PCDHA5: variants seen among roughly 807,000 people sequenced by gnomAD.
PCDHA5 encodes the protein protocadherin alpha-5.
In PCDHA5, 43 loss-of-function variants were observed where a neutral mutation model predicts 61.6. That is an observed-to-expected ratio of 0.70 (90% CI 0.55 to 0.90). The LOEUF is 0.90. Among genes scored for constraint, PCDHA5 ranks in the 40% least tolerant of loss-of-function variants. The probability of loss-of-function intolerance (pLI) is 0.00; values close to 1 mark genes in which losing one functional copy is unlikely to be tolerated. For missense variants in PCDHA5, 1,298 were observed against 1,222.7 expected (o/e 1.06, Z -0.92); for synonymous variants, 627 against 543.9 (o/e 1.15, Z -2.13).
intron 1 of PCDHA5, chr5:140,927,755 C>T (rs1388061408): frequency 6.2e-7 from 1 of 1,614,196 alleles, no homozygotes; most frequent in South Asian, 1.1e-5. Flanking sequence ...CACGTGCACC[C>T]TAAAAGTGGG....
chr5:140,998,908 G>A (rs1203319313), intron 3 of PCDHA5, among the ~76,000 whole-genome samples: 2 of 152,162 alleles, frequency 1.3e-5, no homozygotes, highest in East Asian at 1.9e-4. Context: ...CCTCCGGGAG[G>A]TAGCTATTAT....
intron 1 of PCDHA5, among the ~76,000 whole-genome samples, chr5:140,957,549 C>T (rs563057107): frequency 6.6e-6 from 1 of 152,038 alleles, no homozygotes; most frequent in South Asian, 2.1e-4. Flanking sequence ...AAAGTATTCT[C>T]TGTGGAAAAG....
rs2150131677 is a variant in PCDHA5 at position 140,824,025 on chromosome 5, G to A, written c.2250G>A (p.Ser750=). ...CSSAVGSWSY[S]QQRRQRVCSG... ...GCGCGGTGGGGAGCTGGTCGTACTC[G>A]CAGCAGAGGAGACAGAGGGTGTGCT... is the stretch of plus-strand genomic sequence containing the variant. The change falls in exon 1 of 4, where the codon TCG becomes TCA. Residue 750 remains serine (S), a synonymous_variant. Transcript: ENST00000529859. The A allele has an allele frequency of 1.1e-5, 17 of 1,614,020 alleles. No homozygotes were observed. In the African/African-American group the frequency reaches 1.7e-4, roughly 16 times the overall value.
At chr5:140,950,555 C>T (rs1421946616) in intron 1 of PCDHA5, among the ~76,000 whole-genome samples, 1 of 151,964 alleles carries the variant, frequency 6.6e-6, no homozygotes, top group Non-Finnish European at 1.5e-5. Flanking sequence ...GCTGGGGGGA[C>T]ACTTATTTTA....
At chr5:140,966,502 G>C in intron 1 of PCDHA5, 1 of 433,894 alleles carries the variant, frequency 2.3e-6, no homozygotes, top group Non-Finnish European at 4.0e-6. Flanking sequence ...GAGCTGTAGC[G>C]GCAGCAGCAG....
rs543512832 is a variant in PCDHA5 at position 140,899,964 on chromosome 5, T to C, written c.2352+75837T>C. On this transcript the variant is annotated intron_variant, in intron 1 of 3. Coordinates refer to ENST00000529859, the MANE Select transcript of PCDHA5 (RefSeq NM_018908.3). Reference sequence around the variant, plus strand: ...CTGGGACCACAGGCATGTGCTGCCATGCCCAGCTACTTTTTTGATTTTTTT... The same window carrying C: ...CTGGGACCACAGGCATGTGCTGCCACGCCCAGCTACTTTTTTGATTTTTTT... 3.3e-5 allele frequency among the ~76,000 whole-genome samples: 5 copies of C among 151,940 alleles called. No individual in the cohort carries two copies. In the South Asian group the frequency reaches 6.2e-4, roughly 19 times the overall value.
At chr5:140,922,577 T>C (rs155818) in intron 1 of PCDHA5, among the ~76,000 whole-genome samples, 48,013 of 152,060 alleles carry the variant, frequency 0.32, 7,938 homozygotes, top group East Asian at 0.53. Flanking sequence ...AGTTGCCCTG[T>C]AGCCGCCAGT....
intron 1 of PCDHA5, chr5:140,834,490 C>CCG (rs1360938098): frequency 5.0e-6 from 8 of 1,614,154 alleles, no homozygotes; most frequent in Non-Finnish European, 5.9e-6. Flanking sequence ...TACTCGGTCC[C>CCG]CGAGGAGGCT....
chr5:140,829,622 C>T, intron 1 of PCDHA5: 1 of 1,612,190 alleles, frequency 6.2e-7, no homozygotes, highest in Admixed American at 1.7e-5. Context: ...CATTTCGGTG[C>T]ACGCGGAGAG....
At chr5:140,876,099 T>C (rs782428764) in intron 1 of PCDHA5, 7 of 1,613,954 alleles carry the variant, frequency 4.3e-6, no homozygotes, top group Middle Eastern at 1.6e-4. Context: ...CAAAACTCAA[T>C]TTATTGCTGA....
At chr5:140,989,665 T>G (rs2097353443) in intron 3 of PCDHA5, among the ~76,000 whole-genome samples, 2 of 152,190 alleles carry the variant, frequency 1.3e-5, no homozygotes, top group South Asian at 4.1e-4. Flanking sequence ...TAAAAGAAAC[T>G]CTGCCCAGAT....
chr5:140,883,506 T>A (rs782204819), intron 1 of PCDHA5: 1 of 1,614,078 alleles, frequency 6.2e-7, no homozygotes, highest in Non-Finnish European at 8.5e-7. Context: ...GACAGCGCCC[T>A]GGACCGCGAG....
In PCDHA5 at chr5:140,867,382, C is replaced by T. The variant is rs1201158672; in HGVS notation, c.2352+43255C>T. ...TTTTACAGATGCGTAATGGAATTAA[C>T]GGTTATAAAAGTTGATATGTCTCCT... On this transcript the variant is annotated intron_variant, in intron 1 of 3. Coordinates refer to ENST00000529859, the MANE Select transcript of PCDHA5 (RefSeq NM_018908.3). The T allele has an allele frequency of 4.6e-5, 7 of 152,006 alleles. No individual in the cohort carries two copies. In the East Asian group the frequency reaches 7.7e-4, roughly 17 times the overall value. 9.4% of individuals were successfully genotyped at this position (152,006 alleles called of 1,614,324 possible).
Position 140,823,176 on chromosome 5 carries a change from C to T in PCDHA5, c.1401C>T (p.Asn467=), listed in dbSNP as rs782525887. ...ATACCGTGTTCGTGAAGGAGAACAA[C>T]CCGCCAGGCTGCCACATCTTCACGG... is the stretch of plus-strand genomic sequence containing the variant. ...PQYTVFVKEN[N]PPGCHIFTVS... Residue 467 remains asparagine, a synonymous_variant, in exon 1 of 4, where the codon AAC becomes AAT. Coordinates refer to ENST00000529859, the MANE Select transcript of PCDHA5 (RefSeq NM_018908.3). 1.1e-5 allele frequency: 17 copies of T among 1,613,818 alleles called. No homozygotes were observed. The highest frequency in any genetic ancestry group is 1.4e-5 in the Non-Finnish European group (16 of 1,179,888).
rs201501759 is a variant in PCDHA5 at position 140,978,957 on chromosome 5, G to A, written c.2361G>A (p.Gln787=). The stretch of plus-strand genomic sequence containing the variant: ...TCTTTGTGATTTTGCAGCCACGACA[G>A]CCCAACCCTGACTGGCGTTACTCTG... ...QGPTSTDNPR[Q]PNPDWRYSAS... is the part of the protein sequence containing the mutation. Residue 787 remains glutamine, a synonymous_variant, in exon 2 of 4, where the codon CAG becomes CAA. Coordinates refer to ENST00000529859, the MANE Select transcript of PCDHA5 (RefSeq NM_018908.3). 56 of 1,614,040 alleles carry A rather than the reference G, an allele frequency of 3.5e-5. No individual in the cohort carries two copies. In the East Asian group the frequency reaches 1.1e-3, roughly 32 times the overall value.
At position 140,858,109 on chromosome 5, in the gene PCDHA5, C is replaced by G. The variant is rs782526722; in HGVS notation, c.2352+33982C>G. 17 of 1,597,646 alleles carry G rather than the reference C, an allele frequency of 1.1e-5. 1 individual carries two copies. The highest frequency in any genetic ancestry group is 1.2e-5 in the Non-Finnish European group (14 of 1,167,662). ...CGCGGGCTTCAGTGGGCGTGGCGCC[C>G]GAGGTGGCCCTGGTGGATGTCAACG... On this transcript the variant is annotated intron_variant, in intron 1 of 3. Transcript: ENST00000529859.
intron 1 of PCDHA5, among the ~76,000 whole-genome samples, chr5:140,838,604 C>G (rs1335900872): frequency 6.6e-6 from 1 of 151,900 alleles, no homozygotes; most frequent in Non-Finnish European, 1.5e-5. Context: ...ATTGTCTAGA[C>G]TTTTAAAAAT....
chr5:140,902,818 T>G (rs1554190664), intron 1 of PCDHA5, among the ~76,000 whole-genome samples: 1 of 152,062 alleles, frequency 6.6e-6, no homozygotes, highest in Non-Finnish European at 1.5e-5. Flanking sequence ...CAATATTTGG[T>G]TTTCGATTTC....
intron 1 of PCDHA5, among the ~76,000 whole-genome samples, chr5:140,973,337 G>T (rs2096582330): frequency 6.6e-6 from 1 of 152,162 alleles, no homozygotes; most frequent in African/African-American, 2.4e-5. Flanking sequence ...TCGTTGTAAA[G>T]TGACATAGTA....
Sources: gnomAD v4.1 joint callset for allele counts (sites outside exome capture counted in the v4.1 genomes callset) on GRCh38, gnomAD v4.1.1 for gene constraint, MANE v1.5 for transcripts, NCBI Gene and HGNC (gene_info 2026-07-23, HGNC 2026-07-21) for gene names.